NUB1: variants seen among roughly 807,000 people sequenced by gnomAD.
The protein encoded by NUB1 is NEDD8 ultimate buster 1.
NUB1 carries 41 observed loss-of-function variants against 77.1 expected under a neutral mutation model. The ratio of observed to expected loss-of-function variants is 0.53; its 90% CI spans 0.41 to 0.69. The LOEUF (loss-of-function observed/expected upper bound fraction) is 0.69, where lower values mean the gene tolerates loss of function less well. NUB1 is among the 30% of genes least tolerant of loss of function. The pLI is 0.00. For synonymous variants in NUB1, 257 were observed against 281.0 expected (o/e 0.91, Z 0.85); for missense variants, 643 against 743.8 (o/e 0.86, Z 1.58).
intron 12 of NUB1, chr7:151,374,620 TGTAA>T (rs1357231209): frequency 7.1e-6 from 2 of 281,058 alleles, no homozygotes; most frequent in Non-Finnish European, 1.4e-5. Context: ...AAATTTTAAA[TGTAA>T]GTATCTAGTT....
rs187182176 is a variant in NUB1, at chr7:151,373,121, G to A, written c.1249-976G>A. On this transcript the variant is annotated intron_variant, in intron 11 of 14. Coordinates refer to ENST00000568733, the MANE Select transcript of NUB1 (RefSeq NM_001243351.2). Reference sequence around the variant, plus strand: ...AGGGAGGCGCCTGTTGCCTGGGCTGGGCAGGAGGCAGGATCAGGTCTCTGG... The same window carrying A: ...AGGGAGGCGCCTGTTGCCTGGGCTGAGCAGGAGGCAGGATCAGGTCTCTGG... 3.1e-3 allele frequency among the ~76,000 whole-genome samples: 470 copies of A among 152,274 alleles called. 16 individuals are homozygous for A. The highest frequency in any genetic ancestry group is 0.026 in the Admixed American group (396 of 15,290).
Position 151,352,881 on chromosome 7 carries a change from A to G in NUB1, c.414A>G (p.Leu138=), listed in dbSNP as rs1298142170. The G allele has an allele frequency of 4.0e-6, 6 of 1,504,210 alleles. No individual in the cohort carries two copies. The highest frequency in any genetic ancestry group is 1.8e-6 in the Non-Finnish European group (2 of 1,091,008). 93.2% of individuals were successfully genotyped at this position (1,504,210 alleles called of 1,614,324 possible). ...KIVINKKQLQ[L]GKTLEEQGVA... ...TCATAAATAAGAAGCAACTACAACT[A>G]GGTATGTATGGCAAAGTATGCATAA... Residue 138 remains leucine, a splice_region_variant and synonymous_variant, in exon 5 of 15, where the codon CTA becomes CTG. Transcript: ENST00000568733.
At chr7:151,348,569 C>CATTT (rs1796617990) in intron 2 of NUB1, among the ~76,000 whole-genome samples, 2 of 69,924 alleles carry the variant, frequency 2.9e-5, no homozygotes, top group Non-Finnish European at 5.0e-5. Flanking sequence ...TTGCTTTTTG[C>CATTT]TTTTTTTTTT....
At chr7:151,349,519 G>A (rs914301621) in intron 3 of NUB1, among the ~76,000 whole-genome samples, 7 of 152,194 alleles carry the variant, frequency 4.6e-5, no homozygotes, top group Non-Finnish European at 2.9e-5. Context: ...GAAATAATGG[G>A]GAATAAAGGA....
At chr7:151,371,515 G>A (rs1797957714) in intron 11 of NUB1, among the ~76,000 whole-genome samples, 2 of 152,178 alleles carry the variant, frequency 1.3e-5, no homozygotes, top group South Asian at 4.2e-4. Context: ...GCTCAGGCCT[G>A]TGGCAAGAGA....
intron 3 of NUB1, 132 bp from the exon 4 acceptor site, chr7:151,351,292 G>C (rs1414204866): frequency 1.4e-6 from 1 of 721,032 alleles, no homozygotes; most frequent in East Asian, 2.7e-5. Flanking sequence ...AGACTTCTAG[G>C]CAGGCAGCAT....
intron 1 of NUB1, among the ~76,000 whole-genome samples, chr7:151,342,831 A>C (rs1366584760): frequency 6.6e-6 from 1 of 151,986 alleles, no homozygotes; most frequent in Non-Finnish European, 1.5e-5. Flanking sequence ...TCTTTTTAAA[A>C]ATTTTTTATT....
intron 8 of NUB1, among the ~76,000 whole-genome samples, chr7:151,366,523 G>T (rs918098594): frequency 0.043 from 165 of 3,828 alleles, no homozygotes; most frequent in African/African-American, 0.11. Context: ...GATTCTTAAA[G>T]AAAGAAAGAA....
At chr7:151,374,016 G>A in intron 11 of NUB1, 81 bp from the exon 12 acceptor site, 1 of 1,434,886 alleles carries the variant, frequency 7.0e-7, no homozygotes, top group Non-Finnish European at 9.3e-7. Flanking sequence ...TGGAAATGCG[G>A]AGAATCCTGC....
At chr7:151,364,383 T>G (rs1465715852) in intron 8 of NUB1, among the ~76,000 whole-genome samples, 1 of 146,452 alleles carries the variant, frequency 6.8e-6, no homozygotes, top group Non-Finnish European at 1.5e-5. Context: ...ATTGCACCAC[T>G]GCACTCCAGC....
intron 4 of NUB1, 145 bp downstream of exon 4, chr7:151,351,627 AG>A: frequency 1.6e-6 from 1 of 639,740 alleles, no homozygotes; most frequent in African/African-American, 1.8e-5. Flanking sequence ...TTGAGGTTGA[AG>A]GACTTATTAG....
intron 11 of NUB1, among the ~76,000 whole-genome samples, chr7:151,371,494 C>A (rs555882850): frequency 2.0e-5 from 3 of 152,054 alleles, no homozygotes; most frequent in Admixed American, 6.6e-5. Flanking sequence ...GCTGGAGGAA[C>A]GCCAAGACTG....
At chr7:151,365,411 C>T (rs1050506907) in intron 8 of NUB1, among the ~76,000 whole-genome samples, 3 of 151,790 alleles carry the variant, frequency 2.0e-5, no homozygotes, top group Admixed American at 6.6e-5. Context: ...TGACATGAGG[C>T]CATTTCTGCC....
At chr7:151,355,555 C>G (rs1797024807) in intron 5 of NUB1, among the ~76,000 whole-genome samples, 1 of 152,196 alleles carries the variant, frequency 6.6e-6, no homozygotes, top group African/African-American at 2.4e-5. Context: ...GGCCTGTAGT[C>G]CCAGCTCCTC....
intron 1 of NUB1, among the ~76,000 whole-genome samples, chr7:151,344,213 A>AAAAAAAAT (rs1796362491): frequency 7.4e-6 from 1 of 135,904 alleles, no homozygotes; most frequent in Admixed American, 7.4e-5. Flanking sequence ...AAAAAAAAAA[A>AAAAAAAAT]GTAGATGTGC....
intron 7 of NUB1, among the ~76,000 whole-genome samples, chr7:151,356,945 G>A (rs942039057): frequency 6.6e-6 from 1 of 152,072 alleles, no homozygotes; most frequent in South Asian, 2.1e-4. Flanking sequence ...TTGAACTCCC[G>A]ACCTCAGGTG....
At chr7:151,376,008 G>A (rs926790466) in intron 13 of NUB1, 65 bp downstream of exon 13, 5 of 985,392 alleles carry the variant, frequency 5.1e-6, no homozygotes, top group African/African-American at 3.2e-5. Flanking sequence ...GGGGTAACCC[G>A]GGTGAATCAG....
intron 7 of NUB1, among the ~76,000 whole-genome samples, chr7:151,357,314 G>T (rs1338335116): frequency 2.0e-5 from 3 of 151,920 alleles, no homozygotes; most frequent in African/African-American, 7.3e-5. Context: ...AGTGGAGACA[G>T]GGTTTTGCTA....
chr7:151,349,031 T>C, intron 2 of NUB1, 42 bp from the exon 3 acceptor site: 1 of 1,576,372 alleles, frequency 6.3e-7, no homozygotes, highest in East Asian at 2.2e-5. Flanking sequence ...TTTGCCTTTT[T>C]TTTTTTAAGT....
Sources: allele counts gnomAD v4.1 joint callset (sites outside exome capture counted in the v4.1 genomes callset), GRCh38; gene constraint gnomAD v4.1.1; transcripts MANE v1.5; gene names NCBI Gene and HGNC (gene_info 2026-07-23, HGNC 2026-07-21).